Variants in GRM5 observed in about 807,000 individuals in gnomAD.
GRM5 encodes metabotropic glutamate receptor 5.
GRM5 carries 19 observed loss-of-function variants against 83.1 expected under a neutral mutation model. The ratio of observed to expected loss-of-function variants is 0.23; its 90% CI spans 0.16 to 0.34. GRM5 has a LOEUF of 0.34. Ranked by LOEUF, GRM5 falls within the 10% of genes least tolerant of loss-of-function variation. The pLI is 1.00. For missense variants in GRM5, 1,160 were observed against 1,588.3 expected, an observed-to-expected ratio of 0.73 and a Z score of 4.58; for synonymous variants, 675 against 633.6, an observed-to-expected ratio of 1.07 and a Z score of -0.98.
intron 9 of GRM5, among the ~76,000 whole-genome samples, chr11:88,517,520 A>G (rs1302805135): frequency 6.6e-6 from 1 of 152,182 alleles, no homozygotes; most frequent in Non-Finnish European, 1.5e-5. Context: ...AAAATGATTG[A>G]TTTAAATTTT....
chr11:88,811,300 A>G (rs1277402040), intron 3 of GRM5, among the ~76,000 whole-genome samples: 1 of 152,094 alleles, frequency 6.6e-6, no homozygotes, highest in Non-Finnish European at 1.5e-5. Flanking sequence ...CAGTTTGGAG[A>G]AAAAAGATAC....
intron 3 of GRM5, among the ~76,000 whole-genome samples, chr11:88,824,612 C>T (rs900739460): frequency 6.6e-6 from 1 of 152,108 alleles, no homozygotes; most frequent in Non-Finnish European, 1.5e-5. Flanking sequence ...TTTCTTGCAT[C>T]TAGAGTTAAT....
chr11:88,938,517 T>C (rs929652073), intron 2 of GRM5, among the ~76,000 whole-genome samples: 3 of 150,332 alleles, frequency 2.0e-5, no homozygotes, highest in Non-Finnish European at 3.0e-5. Context: ...TTATATACTT[T>C]TAATTCGCAC....
Position 88,509,380 on chromosome 11 carries a change from G to A in GRM5, c.2851C>T (p.Pro951Ser). 1.2e-6 allele frequency: 2 copies of A among 1,612,584 alleles called. No individual in the cohort carries two copies. The highest frequency in any genetic ancestry group is 1.7e-6 in the Non-Finnish European group (2 of 1,179,888). Residue 951 changes from proline (P) to serine (S), a missense_variant, in exon 10 of 10, where the codon CCC (proline) becomes TCC (serine). Coordinates refer to ENST00000305447, the MANE Select transcript of GRM5 (RefSeq NM_001143831.3). ...ENPNQTAVIK[P>S]FPKSTESRGL... is the part of the protein sequence containing the mutation. ...CGGCTCTCCGTGCTCTTGGGGAAGG[G>A]CTTGATGACGGCCGTTTGGTTGGGG...
chr11:88,515,284 A>G (rs183074002), intron 9 of GRM5, among the ~76,000 whole-genome samples: 139 of 152,242 alleles, frequency 9.1e-4, no homozygotes, highest in African/African-American at 3.2e-3. Flanking sequence ...TTTGATCCAC[A>G]ATTCTGTTAC....
At chr11:88,929,761 C>T (rs892210476) in intron 2 of GRM5, among the ~76,000 whole-genome samples, 1 of 152,050 alleles carries the variant, frequency 6.6e-6, no homozygotes, top group African/African-American at 2.4e-5. Flanking sequence ...CTTCTAATTA[C>T]ATATGAATAG....
At chr11:88,998,062 A>G (rs1229616021) in intron 2 of GRM5, among the ~76,000 whole-genome samples, 1 of 151,578 alleles carries the variant, frequency 6.6e-6, no homozygotes, top group African/African-American at 2.4e-5. Context: ...TGAGAGGCGG[A>G]GAGAGAAGAA....
chr11:88,878,016 G>A (rs1475861587), intron 2 of GRM5, among the ~76,000 whole-genome samples: 1 of 151,644 alleles, frequency 6.6e-6, no homozygotes, highest in Non-Finnish European at 1.5e-5. Flanking sequence ...AATAAAAAAA[G>A]AAGGAAAGAA....
chr11:88,885,638 C>T (rs1945032588), intron 2 of GRM5, among the ~76,000 whole-genome samples: 1 of 151,450 alleles, frequency 6.6e-6, no homozygotes. Flanking sequence ...GCCTTTAAAA[C>T]AAACCAAACC....
intron 2 of GRM5, among the ~76,000 whole-genome samples, chr11:89,044,050 T>A (rs1941589047): frequency 6.6e-6 from 1 of 152,204 alleles, no homozygotes; most frequent in Non-Finnish European, 1.5e-5. Flanking sequence ...ATCAATGCAA[T>A]CTGCCACACT....
At chr11:88,571,599 T>A (rs1943002861) in intron 7 of GRM5, among the ~76,000 whole-genome samples, 1 of 152,176 alleles carries the variant, frequency 6.6e-6, no homozygotes, top group Admixed American at 6.5e-5. Flanking sequence ...TTTGAGTCAG[T>A]ACATTGTGGT....
At chr11:88,621,719 A>G (rs1159328619) in intron 4 of GRM5, among the ~76,000 whole-genome samples, 1 of 152,186 alleles carries the variant, frequency 6.6e-6, no homozygotes, top group African/African-American at 2.4e-5. Flanking sequence ...GATGCAAAAA[A>G]TTTAAGTTCG....
intron 3 of GRM5, among the ~76,000 whole-genome samples, chr11:88,800,294 C>G (rs1330624560): frequency 1.3e-5 from 2 of 152,020 alleles, no homozygotes; most frequent in African/African-American, 4.8e-5. Flanking sequence ...GACTCTCCAG[C>G]CAAAACAGTA....
rs564422787 is a variant in GRM5, at chr11:89,039,213, C to T, written c.661+7999G>A. ...CTGGGAGGCGGAGGTTGCAGTGAGC[C>T]GAGATCGCGCCACTGCACTCCAGCC... On this transcript the variant is annotated intron_variant, in intron 2 of 9. Coordinates refer to ENST00000305447, the MANE Select transcript of GRM5 (RefSeq NM_001143831.3). Among the ~76,000 whole-genome samples the T allele has an allele frequency of 1.2e-3, 182 of 151,406 alleles. 1 individual carries two copies. Among genetic ancestry groups the T allele is most frequent in the Non-Finnish European group, 2.0e-3 (135 of 67,896 alleles).
intron 2 of GRM5, among the ~76,000 whole-genome samples, chr11:88,857,066 G>T (rs1043809577): frequency 9.9e-5 from 15 of 151,940 alleles, no homozygotes; most frequent in African/African-American, 3.4e-4. Context: ...CTCCATTTTT[G>T]ATTGTTTTCA....
chr11:88,512,843 A>G (rs1054477838), intron 9 of GRM5, among the ~76,000 whole-genome samples: 1 of 152,178 alleles, frequency 6.6e-6, no homozygotes, highest in African/African-American at 2.4e-5. Flanking sequence ...AGTATACTCA[A>G]TGCCATTTTG....
intron 3 of GRM5, among the ~76,000 whole-genome samples, chr11:88,777,781 A>C (rs1181518399): frequency 6.6e-6 from 1 of 152,178 alleles, no homozygotes. Flanking sequence ...AGAACAGAGA[A>C]TATTGCAGAA....
At chr11:88,517,681 A>T (rs1941560107) in intron 9 of GRM5, among the ~76,000 whole-genome samples, 1 of 152,128 alleles carries the variant, frequency 6.6e-6, no homozygotes, top group Non-Finnish European at 1.5e-5. Flanking sequence ...TATTCCTTAA[A>T]ATTCACTTCC....
rs1459792073 is a variant in GRM5 at position 88,794,501 on chromosome 11, T to A, written c.911+55405A>T. Among the ~76,000 whole-genome samples, 3 of 152,254 alleles carry A rather than the reference T, an allele frequency of 2.0e-5. 1 individual carries two copies. The East Asian group carries it at 5.8e-4, about 29-fold the overall frequency. On this transcript the variant is annotated intron_variant, in intron 3 of 9. Coordinates refer to ENST00000305447, the MANE Select transcript of GRM5 (RefSeq NM_001143831.3). ...TATGTGTTTTTATTTTTTAAAAAAA[T>A]ATTCTGTTAGACATTTAGAGGATGA...
Sources: allele counts gnomAD v4.1 joint callset (sites outside exome capture counted in the v4.1 genomes callset), GRCh38; gene constraint gnomAD v4.1.1; transcripts MANE v1.5; gene names NCBI Gene and HGNC (gene_info 2026-07-23, HGNC 2026-07-21).